The following SIPA1L2 variants were observed in gnomAD, a reference collection of about 807,000 sequenced individuals.
The protein encoded by SIPA1L2 is signal-induced proliferation-associated 1-like protein 2.
Under a neutral mutation model 163.9 loss-of-function variants are expected in SIPA1L2, and 56 were observed. The ratio of observed to expected loss-of-function variants is 0.34; its 90% CI spans 0.28 to 0.43. The LOEUF is 0.43. SIPA1L2 is among the 20% of genes least tolerant of loss of function. SIPA1L2 has a pLI of 1.00. For missense variants in SIPA1L2, 1,974 were observed against 2,193.5 expected (o/e 0.90, Z 2.00); for synonymous variants, 877 against 865.7 (o/e 1.01, Z -0.23).
At chr1:232,505,962 G>C (rs1666713237) in intron 3 of SIPA1L2, among the ~76,000 whole-genome samples, 1 of 152,168 alleles carries the variant, frequency 6.6e-6, no homozygotes, top group Non-Finnish European at 1.5e-5. Context: ...CAGCTACCAG[G>C]CATGAAATTC....
chr1:232,566,684 C>CTT (rs1659424607), intron 2 of SIPA1L2, among the ~76,000 whole-genome samples: 1 of 152,216 alleles, frequency 6.6e-6, no homozygotes, highest in East Asian at 1.9e-4. Flanking sequence ...ACCATTTAAT[C>CTT]TCCACTTAAG....
chr1:232,539,108 T>C (rs1657486735), intron 2 of SIPA1L2, among the ~76,000 whole-genome samples: 1 of 152,210 alleles, frequency 6.6e-6, no homozygotes, highest in African/African-American at 2.4e-5. Context: ...CAAATCTGTT[T>C]ATTCATCATC....
intron 1 of SIPA1L2, among the ~76,000 whole-genome samples, chr1:232,627,550 C>T (rs1208573358): frequency 6.6e-6 from 1 of 152,076 alleles, no homozygotes; most frequent in Non-Finnish European, 1.5e-5. Flanking sequence ...AAAACACCTT[C>T]CAAATCCATA....
At position 232,439,200 on chromosome 1, in the gene SIPA1L2, T is replaced by C; in HGVS notation, c.3939A>G (p.Leu1313=). ...VSGPDDEPAK[L]YSVHGYASTI... is the part of the protein sequence containing the mutation. Reference sequence around the variant, plus strand: ...TGGACGCGTAGCCATGCACAGAATATAACTTGGCTGGCTCGTCGTCAGGCC... The same window carrying C: ...TGGACGCGTAGCCATGCACAGAATACAACTTGGCTGGCTCGTCGTCAGGCC... The change falls in exon 15 of 23, where the codon TTA becomes TTG. Residue 1313 remains leucine, a synonymous_variant. Transcript: ENST00000674635. The C allele has an allele frequency of 2.5e-6, 4 of 1,613,800 alleles. No homozygotes were observed. The highest frequency in any genetic ancestry group is 1.7e-6 in the Non-Finnish European group (2 of 1,180,030).
chr1:232,406,909 AGGGTTTTGTAGCTACAT>A (rs1660671514), intron 19 of SIPA1L2, among the ~76,000 whole-genome samples: 1 of 152,238 alleles, frequency 6.6e-6, no homozygotes, highest in Non-Finnish European at 1.5e-5. Flanking sequence ...AAGACAAAGT[AGGGTTTTGTAGCTACAT>A]GTAGAAAATT....
At chr1:232,539,947 A>C (rs888366296) in intron 2 of SIPA1L2, among the ~76,000 whole-genome samples, 1 of 152,222 alleles carries the variant, frequency 6.6e-6, no homozygotes, top group Non-Finnish European at 1.5e-5. Flanking sequence ...AGAAAGCTGC[A>C]TGGTGCCCAA....
At chr1:232,452,194 A>C (rs892651297) in intron 10 of SIPA1L2, among the ~76,000 whole-genome samples, 15 of 151,904 alleles carry the variant, frequency 9.9e-5, no homozygotes, top group Non-Finnish European at 2.2e-4. Flanking sequence ...TAACTTATTC[A>C]TATTCATACT....
At chr1:232,458,903 C>A (rs1558193035) in intron 10 of SIPA1L2, among the ~76,000 whole-genome samples, 1 of 152,200 alleles carries the variant, frequency 6.6e-6, no homozygotes, top group East Asian at 1.9e-4. Context: ...TCATGGGACT[C>A]TGGAAAAGCA....
chr1:232,460,981 T>C lies in SIPA1L2; in HGVS notation c.3001A>G (p.Thr1001Ala), dbSNP rs763409041. 2 of 1,614,022 alleles carry C rather than the reference T, an allele frequency of 1.2e-6. No homozygotes were observed. The change falls in exon 10 of 23, where the codon ACT (threonine) becomes GCT (alanine). Residue 1001 changes from threonine to alanine, a missense_variant. Thr to Ala is a moderately conservative substitution (Grantham distance 58). Coordinates refer to ENST00000674635, the MANE Select transcript of SIPA1L2 (RefSeq NM_020808.5). ...LVEICKVAVATLTHEQMIDLL... is the reference protein window; with the variant it reads ...LVEICKVAVAALTHEQMIDLL... ...TCGATCATCTGCTCGTGGGTCAGAG[T>C]GGCCACGGCTACTTTGCAGATCTCC...
chr1:232,504,264 A>C (rs903545399), intron 3 of SIPA1L2, among the ~76,000 whole-genome samples: 1 of 151,988 alleles, frequency 6.6e-6, no homozygotes, highest in Non-Finnish European at 1.5e-5. Context: ...ACAGGCCGGG[A>C]GCAGTGGCTC....
At chr1:232,476,241 G>C (rs1665038997) in intron 7 of SIPA1L2, among the ~76,000 whole-genome samples, 1 of 152,116 alleles carries the variant, frequency 6.6e-6, no homozygotes, top group African/African-American at 2.4e-5. Flanking sequence ...TACCTCTTTG[G>C]TGTCAAGCCC....
chr1:232,544,073 T>C (rs1263511701), intron 2 of SIPA1L2, among the ~76,000 whole-genome samples: 2 of 152,056 alleles, frequency 1.3e-5, no homozygotes, highest in Non-Finnish European at 1.5e-5. Flanking sequence ...AATATGGGCA[T>C]AGGTATACAC....
At chr1:232,475,042 A>G (rs1004840813) in intron 7 of SIPA1L2, among the ~76,000 whole-genome samples, 1 of 152,200 alleles carries the variant, frequency 6.6e-6, no homozygotes, top group South Asian at 2.1e-4. Flanking sequence ...AGAGAAGAGG[A>G]AGGTCATCTG....
intron 1 of SIPA1L2, among the ~76,000 whole-genome samples, 167 bp from the exon 2 acceptor site, chr1:232,574,389 G>A (rs972710220): frequency 6.6e-6 from 1 of 152,142 alleles, no homozygotes; most frequent in African/African-American, 2.4e-5. Context: ...CCCAGTGTTC[G>A]ATGGAGTTTT....
chr1:232,570,758 A>C (rs1463983678), intron 2 of SIPA1L2, among the ~76,000 whole-genome samples: 1 of 152,164 alleles, frequency 6.6e-6, no homozygotes, highest in African/African-American at 2.4e-5. Flanking sequence ...ATAAAACTTA[A>C]TTTTAAAACA....
chr1:232,616,874 G>A (rs964169232), intron 1 of SIPA1L2, among the ~76,000 whole-genome samples: 4 of 152,158 alleles, frequency 2.6e-5, no homozygotes, highest in Non-Finnish European at 5.9e-5. Flanking sequence ...TAGAAAAGCG[G>A]GTGGTTAACT....
intron 1 of SIPA1L2, among the ~76,000 whole-genome samples, chr1:232,612,590 T>TG: frequency 6.6e-6 from 1 of 152,214 alleles, no homozygotes; most frequent in East Asian, 1.9e-4. Context: ...CAGACTTGCA[T>TG]GGGCCCTGTA....
intron 5 of SIPA1L2, among the ~76,000 whole-genome samples, chr1:232,490,521 G>C (rs1052942867): frequency 3.3e-5 from 5 of 152,098 alleles, no homozygotes; most frequent in African/African-American, 1.2e-4. Flanking sequence ...CCACATAGTA[G>C]ACAAGAATAA....
chr1:232,543,463 T>C (rs1200718029), intron 2 of SIPA1L2, among the ~76,000 whole-genome samples: 14 of 41,148 alleles, frequency 3.4e-4, no homozygotes, highest in Admixed American at 2.3e-3. Context: ...TTCTGCCTAC[T>C]CGATGTGAAG....
Sources: gnomAD v4.1 joint callset for allele counts (sites outside exome capture counted in the v4.1 genomes callset) on GRCh38, gnomAD v4.1.1 for gene constraint, MANE v1.5 for transcripts, NCBI Gene and HGNC (gene_info 2026-07-23, HGNC 2026-07-21) for gene names.